C20orf203: variants seen among roughly 807,000 people sequenced by gnomAD.
The protein encoded by C20orf203 is uncharacterized protein C20orf203.
In C20orf203, 16 loss-of-function variants were observed where a neutral mutation model predicts 15.9. The observed-to-expected ratio is 1.01, with a 90% CI of 0.68 to 1.53. The LOEUF is 1.53. Among genes scored for constraint, C20orf203 ranks in the 40% most tolerant of loss-of-function variants. The pLI, the probability that C20orf203 is intolerant of heterozygous loss-of-function variation, is 0.00. For missense variants in C20orf203, 263 were observed against 247.5 expected, an observed-to-expected ratio of 1.06 and a Z score of -0.42; for synonymous variants, 98 against 97.2, an observed-to-expected ratio of 1.01 and a Z score of -0.05.
Position 32,650,614 on chromosome 20 carries a change from C to A in C20orf203, c.403G>T (p.Ala135Ser), listed in dbSNP as rs2145671398. The A allele has an allele frequency of 2.6e-6, 4 of 1,536,330 alleles. No homozygotes were observed. In the South Asian group the frequency reaches 4.8e-5, roughly 18 times the overall value. Residue 135 changes from alanine (A) to serine (S), a missense_variant, in exon 4 of 6, where the codon GCA becomes TCA. Physicochemically the swap from Ala to Ser is moderately conservative, Grantham distance 99. Coordinates refer to ENST00000608990, the MANE Select transcript of C20orf203 (RefSeq NM_182584.4). ...CCCATTCTGGGCATCCCTCCCATTG[C>A]CCTCCCCCGCCCAGCAGGGGCCCGC... ...GLRAPAGRGR[A>S]MGGMPRMGTV...
chr20:32,648,618 T>TTG (rs1398756152), intron 4 of C20orf203, among the ~76,000 whole-genome samples: 1 of 144,724 alleles, frequency 6.9e-6, no homozygotes, highest in South Asian at 2.1e-4. Flanking sequence ...TTTTTTTTTT[T>TTG]TGTGTGTGTG....
rs975159592 is a variant in C20orf203 at position 32,651,103 on chromosome 20, G to A, written c.50C>T (p.Pro17Leu). The change falls in exon 3 of 6, where the codon CCT becomes CTT. Residue 17 changes from proline to leucine, a missense_variant. By Grantham distance (98) the Pro-to-Leu change is moderately conservative (BLOSUM62 -3). Coordinates refer to ENST00000608990, the MANE Select transcript of C20orf203 (RefSeq NM_182584.4). ...GTGATCCAGCATGTTGGGAGGCTGAGGCAGGAGAATCGCTTGAGCCCGGGA... is the reference window on the plus strand; with the variant it reads ...GTGATCCAGCATGTTGGGAGGCTGAAGCAGGAGAATCGCTTGAGCCCGGGA... The part of the protein sequence containing the change: ...LNSRAQAILL[P>L]QPPNMLDHRQ... 1 of 1,446,234 alleles carries A rather than the reference G, an allele frequency of 6.9e-7. No homozygotes were observed. Among genetic ancestry groups the A allele is most frequent in the Non-Finnish European group, 9.4e-7 (1 of 1,069,264 alleles). 89.6% of individuals were successfully genotyped at this position (1,446,234 alleles called of 1,614,324 possible). A position where few individuals can be genotyped will look rare whatever the true frequency, so the allele number is the denominator to read the frequency against.
chr20:32,646,840 T>C (rs1982445864), intron 4 of C20orf203, among the ~76,000 whole-genome samples: 1 of 152,242 alleles, frequency 6.6e-6, no homozygotes, highest in Non-Finnish European at 1.5e-5. Context: ...GCCCCATGCA[T>C]GCCTTGGGTG....
chr20:32,648,508 G>T (rs1982501847), intron 4 of C20orf203, among the ~76,000 whole-genome samples: 1 of 142,626 alleles, frequency 7.0e-6, no homozygotes, highest in Admixed American at 7.4e-5. Flanking sequence ...TAGTGTGACG[G>T]TGGCTCACTG....
At chr20:32,666,155 TAAA>T (rs147487671) in intron 1 of C20orf203, among the ~76,000 whole-genome samples, 35,041 of 102,664 alleles carry the variant, frequency 0.34, 5,294 homozygotes, top group Middle Eastern at 0.43. Flanking sequence ...ATAAATAAAG[TAAA>T]AAAAAAAAAA....
chr20:32,634,491 C>T (rs1470921331), intron 5 of C20orf203, among the ~76,000 whole-genome samples: 7 of 152,006 alleles, frequency 4.6e-5, no homozygotes, highest in South Asian at 2.1e-4. Flanking sequence ...GCAGGGCTTC[C>T]GAGAATTTCA....
intron 1 of C20orf203, among the ~76,000 whole-genome samples, chr20:32,671,837 C>A: frequency 1.5e-5 from 1 of 68,964 alleles, no homozygotes; most frequent in African/African-American, 5.6e-5. Flanking sequence ...GAAACTCTGT[C>A]TCCAAAAAAA....
At chr20:32,667,166 G>A (rs909503617) in intron 1 of C20orf203, among the ~76,000 whole-genome samples, 1 of 152,088 alleles carries the variant, frequency 6.6e-6, no homozygotes, top group Admixed American at 6.6e-5. Context: ...GTGAGTAAAG[G>A]GGAGGAGATA....
At chr20:32,652,981 G>C (rs1168538439) in intron 1 of C20orf203, among the ~76,000 whole-genome samples, 1 of 152,188 alleles carries the variant, frequency 6.6e-6, no homozygotes, top group Non-Finnish European at 1.5e-5. Flanking sequence ...GGAGCGGGCT[G>C]GTCTAGCCAC....
At position 32,634,193 on chromosome 20, in the gene C20orf203, G is replaced by A. The variant is rs1331283794; in HGVS notation, c.*1377C>T. 2 of 398,628 alleles carry A rather than the reference G, an allele frequency of 5.0e-6. No individual in the cohort carries two copies. Among genetic ancestry groups the A allele is most frequent in the Non-Finnish European group, 8.8e-6 (2 of 226,102 alleles). 24.7% of individuals were successfully genotyped at this position (398,628 alleles called of 1,614,324 possible). On this transcript the variant is annotated 3_prime_UTR_variant, in exon 6 of 6. Coordinates refer to ENST00000608990, the MANE Select transcript of C20orf203 (RefSeq NM_182584.4). Reference sequence around the variant, plus strand: ...GATGGCGCAGGCACGGGCTGCTGGGGCTTGAGTTCAGGGGTTGGGGGGAGG... The same window carrying A: ...GATGGCGCAGGCACGGGCTGCTGGGACTTGAGTTCAGGGGTTGGGGGGAGG...
At chr20:32,640,953 T>G (rs1164801156) in intron 4 of C20orf203, among the ~76,000 whole-genome samples, 1 of 152,188 alleles carries the variant, frequency 6.6e-6, no homozygotes, top group African/African-American at 2.4e-5. Context: ...ATCCGTATTG[T>G]AGCATGGATC....
chr20:32,643,129 G>A (rs937329027), intron 4 of C20orf203, among the ~76,000 whole-genome samples: 6 of 152,154 alleles, frequency 3.9e-5, no homozygotes, highest in African/African-American at 1.4e-4. Context: ...GTGGCTGCTG[G>A]TGGAGGCAGC....
At position 32,643,674 on chromosome 20, in the gene C20orf203, C is replaced by CAG. The variant is rs1982348218; in HGVS notation, c.*1178-2988_*1178-2987insCT. Among the ~76,000 whole-genome samples, 6 of 133,362 alleles carry CAG rather than the reference C, an allele frequency of 4.5e-5. No homozygotes were observed. The South Asian group carries it at 1.4e-3, about 32-fold the overall frequency. The allele number at this position is 133,362 out of a possible 152,430, so 87.5% of individuals were successfully genotyped here. A position where few individuals can be genotyped will look rare whatever the true frequency, so the allele number is the denominator to read the frequency against. On this transcript the variant is annotated intron_variant, in intron 4 of 5. Transcript: ENST00000608990. ...ACACACACACACACACACACACACA[C>CAG]GAAAGTTTCTGCGAAACCCTGCAGT...
At chr20:32,646,784 C>T (rs1349864340) in intron 4 of C20orf203, among the ~76,000 whole-genome samples, 1 of 152,240 alleles carries the variant, frequency 6.6e-6, no homozygotes, top group Non-Finnish European at 1.5e-5. Flanking sequence ...GATGACTGCA[C>T]AGAGCTGCTC....
chr20:32,670,151 A>G (rs1983128662), intron 1 of C20orf203, among the ~76,000 whole-genome samples: 1 of 152,142 alleles, frequency 6.6e-6, no homozygotes, highest in Admixed American at 6.6e-5. Flanking sequence ...CGGAGGTTGC[A>G]ATGAGCCGAG....
intron 4 of C20orf203, among the ~76,000 whole-genome samples, chr20:32,642,655 C>G (rs1257529983): frequency 1.3e-5 from 2 of 152,086 alleles, no homozygotes; most frequent in African/African-American, 4.8e-5. Context: ...GCCTATCTGT[C>G]TAGGGGCTTG....
At position 32,637,021 on chromosome 20, in the gene C20orf203, T is replaced by C. The variant is rs570298695; in HGVS notation, c.*1300-2751A>G. ...TCACCAGGGGCAGGGGCTGGGCTGC[T>C]CTCTACCTCCCCAACCCTGCCAAGG... On this transcript the variant is annotated intron_variant, in intron 5 of 5. Transcript: ENST00000608990. 1.5e-3 allele frequency among the ~76,000 whole-genome samples: 226 copies of C among 152,242 alleles called. 1 individual carries two copies. Among genetic ancestry groups the C allele is most frequent in the African/African-American group, 5.2e-3 (218 of 41,546 alleles).
chr20:32,653,705 A>G (rs1004908443), intron 1 of C20orf203, among the ~76,000 whole-genome samples: 12 of 152,340 alleles, frequency 7.9e-5, no homozygotes, highest in Admixed American at 3.9e-4. Flanking sequence ...TGTATTCAAC[A>G]CTGTACTGGG....
In C20orf203 at chr20:32,632,177, G is replaced by A. The variant is rs1293743029; in HGVS notation, c.*3393C>T. The A allele has an allele frequency of 6.6e-6, 1 of 152,246 alleles. No homozygotes were observed. The highest frequency in any genetic ancestry group is 1.5e-5 in the Non-Finnish European group (1 of 68,066). 9.4% of individuals were successfully genotyped at this position (152,246 alleles called of 1,614,324 possible). On this transcript the variant is annotated 3_prime_UTR_variant, in exon 6 of 6. Coordinates refer to ENST00000608990, the MANE Select transcript of C20orf203 (RefSeq NM_182584.4). Reference sequence around the variant, plus strand: ...ATTTGAGCCTCACAAATACCGCACTGGGGGAGGCAACAGCCCGTCTGTGCC... The same window carrying A: ...ATTTGAGCCTCACAAATACCGCACTAGGGGAGGCAACAGCCCGTCTGTGCC...
Sources: gnomAD v4.1 joint callset for allele counts (sites outside exome capture counted in the v4.1 genomes callset) on GRCh38, gnomAD v4.1.1 for gene constraint, MANE v1.5 for transcripts, NCBI Gene and HGNC (gene_info 2026-07-23, HGNC 2026-07-21) for gene names.